SUMF1: variants seen among roughly 807,000 people sequenced by gnomAD.
SUMF1 encodes formylglycine-generating enzyme.
In SUMF1, 48 loss-of-function variants were observed where a neutral mutation model predicts 47.6. The observed-to-expected ratio is 1.01, with a 90% CI of 0.80 to 1.28. SUMF1 has a LOEUF of 1.28. Ranked by LOEUF, SUMF1 falls within the 50% of genes most tolerant of loss-of-function variation. The pLI is 0.00. For synonymous variants in SUMF1, 230 were observed against 192.1 expected (o/e 1.20, Z -1.63); for missense variants, 571 against 485.4 (o/e 1.18, Z -1.66).
At chr3:4,141,804 C>T (rs1209395144) in intron 8 of SUMF1, among the ~76,000 whole-genome samples, 1 of 152,122 alleles carries the variant, frequency 6.6e-6, no homozygotes, top group Non-Finnish European at 1.5e-5. Context: ...ATCATCCAGC[C>T]TGGGGCAATC....
Position 4,273,701 on chromosome 3 carries a change from G to GGGAGGGAGGATACA in SUMF1, c.1014+102628_1014+102629insTGTATCCTCCCTCC, listed in dbSNP as rs1301814451. On this transcript the variant is annotated intron_variant and NMD_transcript_variant, in intron 8 of 12. Transcript: ENST00000448413. The stretch of plus-strand genomic sequence containing the variant: ...GAAAGAAGGAAGGGAGGGAGGATAC[G>GGGAGGGAGGATACA]GGAGGGAGGATACGGGAGGGAGGAT... Among the ~76,000 whole-genome samples, 10 of 128,404 alleles carry GGGAGGGAGGATACA rather than the reference G, an allele frequency of 7.8e-5. No individual in the cohort carries two copies. The East Asian group carries it at 2.1e-3, about 27-fold the overall frequency. 84.2% of individuals were successfully genotyped at this position (128,404 alleles called of 152,430 possible). A position where few individuals can be genotyped will look rare whatever the true frequency, so the allele number is the denominator to read the frequency against.
intron 8 of SUMF1, among the ~76,000 whole-genome samples, chr3:4,267,594 T>G (rs1432267086): frequency 1.3e-5 from 2 of 152,100 alleles, no homozygotes; most frequent in Non-Finnish European, 2.9e-5. Flanking sequence ...CAGACACTTC[T>G]CAAAAGAAGA....
intron 8 of SUMF1, among the ~76,000 whole-genome samples, chr3:4,272,077 C>A (rs1232404884): frequency 6.6e-6 from 1 of 152,144 alleles, no homozygotes. Context: ...TTTCCTGACC[C>A]GGACTGGAAT....
chr3:4,418,925 A>C (rs529546879), intron 4 of SUMF1, among the ~76,000 whole-genome samples: 1 of 152,320 alleles, frequency 6.6e-6, no homozygotes, highest in East Asian at 1.9e-4. Flanking sequence ...ACTTTTTTAA[A>C]AGTGGGCTAC....
At chr3:4,354,980 G>C (rs574382803) in intron 8 of SUMF1, among the ~76,000 whole-genome samples, 2 of 152,164 alleles carry the variant, frequency 1.3e-5, no homozygotes, top group Non-Finnish European at 2.9e-5. Flanking sequence ...GCACAGTTAC[G>C]TATGTGGTGG....
intron 8 of SUMF1, among the ~76,000 whole-genome samples, chr3:4,209,247 C>T (rs1011121054): frequency 6.6e-6 from 1 of 152,124 alleles, no homozygotes; most frequent in South Asian, 2.1e-4. Flanking sequence ...TTACACTCTA[C>T]TATAAAGATT....
intron 8 of SUMF1, among the ~76,000 whole-genome samples, chr3:4,270,398 T>G (rs1697279856): frequency 6.6e-6 from 1 of 151,794 alleles, no homozygotes; most frequent in African/African-American, 2.4e-5. Context: ...CTCTCTTTGC[T>G]CTCTCTCTCT....
At chr3:4,169,235 G>C (rs1018292139) in intron 8 of SUMF1, among the ~76,000 whole-genome samples, 3 of 152,144 alleles carry the variant, frequency 2.0e-5, no homozygotes, top group Non-Finnish European at 2.9e-5. Flanking sequence ...ATTATAGGTT[G>C]AATTGTGTTC....
intron 6 of SUMF1, among the ~76,000 whole-genome samples, chr3:4,416,429 A>G (rs1165998127): frequency 6.6e-6 from 1 of 152,244 alleles, no homozygotes; most frequent in Non-Finnish European, 1.5e-5. Flanking sequence ...CGTTTCTGAT[A>G]TAGGCAGGAA....
chr3:4,184,825 T>A (rs1291779112), intron 8 of SUMF1, among the ~76,000 whole-genome samples: 1 of 151,852 alleles, frequency 6.6e-6, no homozygotes, highest in African/African-American at 2.4e-5. Flanking sequence ...ATTTTCAGAT[T>A]TTTAGTAGAG....
At chr3:4,219,558 T>C (rs1349305795) in intron 8 of SUMF1, among the ~76,000 whole-genome samples, 1 of 152,186 alleles carries the variant, frequency 6.6e-6, no homozygotes, top group Non-Finnish European at 1.5e-5. Flanking sequence ...GTCTAATGTA[T>C]TCAATTCCTC....
chr3:4,413,994 G>A (rs372587762), intron 6 of SUMF1, among the ~76,000 whole-genome samples: 2 of 152,066 alleles, frequency 1.3e-5, no homozygotes, highest in East Asian at 3.9e-4. Context: ...CTCCTGAGTA[G>A]CTGGGATTAC....
At position 4,418,012 on chromosome 3, in the gene SUMF1, A is replaced by G; in HGVS notation, c.723T>C (p.Asn241=). The G allele has an allele frequency of 1.2e-6, 2 of 1,613,946 alleles. No homozygotes were observed. Among genetic ancestry groups the G allele is most frequent in the Non-Finnish European group, 1.7e-6 (2 of 1,180,024 alleles). ...WEYSCRGGLH[N]RLFPWGNKLQ... ...GCAAAATGAGATCCTCTAAATACCT[A>G]TTATGCAGGCCTCCTCGACAGCTGT... Residue 241 remains asparagine (N), a splice_region_variant and synonymous_variant, in exon 5 of 9, where the codon AAT becomes AAC. Coordinates refer to ENST00000272902, the MANE Select transcript of SUMF1 (RefSeq NM_182760.4).
chr3:4,225,456 A>G (rs975960856), intron 8 of SUMF1, among the ~76,000 whole-genome samples: 2 of 152,174 alleles, frequency 1.3e-5, no homozygotes, highest in African/African-American at 4.8e-5. Context: ...TAAGCACCCA[A>G]TGAATGCTTG....
rs144700855 is a variant in SUMF1, at chr3:4,449,016, C to A, written c.519+250G>T. 4.0e-3 allele frequency among the ~76,000 whole-genome samples: 612 copies of A among 152,336 alleles called. 4 individuals are homozygous for A. Among genetic ancestry groups the A allele is most frequent in the African/African-American group, 0.014 (581 of 41,572 alleles). ...GCCTACTGAGCTCTACCTAGCAACACTGTGTGTTCCTTGGCACACAAGACA... is the reference window on the plus strand; with the variant it reads ...GCCTACTGAGCTCTACCTAGCAACAATGTGTGTTCCTTGGCACACAAGACA... On this transcript the variant is annotated intron_variant, in intron 3 of 8. Coordinates refer to ENST00000272902, the MANE Select transcript of SUMF1 (RefSeq NM_182760.4).
At chr3:4,139,728 A>G (rs922509386) in intron 8 of SUMF1, among the ~76,000 whole-genome samples, 6 of 151,810 alleles carry the variant, frequency 4.0e-5, no homozygotes, top group African/African-American at 1.2e-4. Flanking sequence ...TAGCTGCACA[A>G]TTGCCTTTAA....
In SUMF1 at chr3:4,355,433, TA is replaced by T. The variant is rs1282202566; in HGVS notation, c.1014+20896del. Among the ~76,000 whole-genome samples, 14 of 152,278 alleles carry T rather than the reference TA, an allele frequency of 9.2e-5. No homozygotes were observed. The East Asian group carries it at 2.3e-3, about 25-fold the overall frequency. ...CCCATGTCATTTAAAGGTAAATAAA[TA>T]AAATCTTATTTGGCAAAGGTGTAGA... is the stretch of plus-strand genomic sequence containing the variant. On this transcript the variant is annotated intron_variant and NMD_transcript_variant, in intron 8 of 12. Transcript: ENST00000448413.
intron 8 of SUMF1, among the ~76,000 whole-genome samples, chr3:4,354,979 C>T (rs1312974170): frequency 6.6e-6 from 1 of 152,180 alleles, no homozygotes; most frequent in Non-Finnish European, 1.5e-5. Context: ...GGCACAGTTA[C>T]GTATGTGGTG....
At chr3:4,341,819 GTCACAAAATATCAAACGCTATT>G (rs1368868247) in intron 8 of SUMF1, among the ~76,000 whole-genome samples, 1 of 152,144 alleles carries the variant, frequency 6.6e-6, no homozygotes, top group Non-Finnish European at 1.5e-5. Context: ...CCTAGACACT[GTCACAAAATATCAAACGCTATT>G]TATGTGTGTG....
Sources: gnomAD v4.1 joint callset for allele counts (sites outside exome capture counted in the v4.1 genomes callset) on GRCh38, gnomAD v4.1.1 for gene constraint, MANE v1.5 for transcripts, NCBI Gene and HGNC (gene_info 2026-07-23, HGNC 2026-07-21) for gene names.